The following RIT2 variants were observed in gnomAD, a reference collection of about 807,000 sequenced individuals.
RIT2 encodes the protein GTP-binding protein Rit2.
A neutral mutation model predicts 23.7 loss-of-function variants in RIT2; 24 were observed. The observed-to-expected ratio is 1.01, with a 90% CI of 0.73 to 1.43. RIT2 has a LOEUF of 1.43. Ranked by LOEUF, RIT2 falls within the 40% of genes most tolerant of loss-of-function variation. The pLI, the probability that RIT2 is intolerant of heterozygous loss-of-function variation, is 0.00. For missense variants in RIT2, 236 were observed against 266.9 expected (o/e 0.88, Z 0.81); for synonymous variants, 107 against 91.1 (o/e 1.17, Z -0.99).
chr18:42,765,809 C>T (rs1401699803), intron 4 of RIT2, among the ~76,000 whole-genome samples: 4 of 152,128 alleles, frequency 2.6e-5, no homozygotes, highest in South Asian at 2.1e-4. Context: ...AGAATTCTGA[C>T]GTGTTTTGGG....
At chr18:43,080,974 G>A (rs1035673302) in intron 1 of RIT2, among the ~76,000 whole-genome samples, 9 of 152,140 alleles carry the variant, frequency 5.9e-5, no homozygotes, top group African/African-American at 2.2e-4. Context: ...AGGATCCTGG[G>A]GCGAACGTCA....
At chr18:42,774,875 A>G (rs1004071703) in intron 4 of RIT2, among the ~76,000 whole-genome samples, 3 of 152,124 alleles carry the variant, frequency 2.0e-5, no homozygotes. Flanking sequence ...ATGACCACAT[A>G]TATGTTCTTC....
intron 1 of RIT2, among the ~76,000 whole-genome samples, chr18:43,108,561 C>T (rs1264896438): frequency 2.6e-5 from 4 of 152,148 alleles, no homozygotes; most frequent in African/African-American, 9.7e-5. Flanking sequence ...GCTCGTTCAT[C>T]TCCAGTCATA....
chr18:42,977,336 A>T (rs1269098047), intron 2 of RIT2, among the ~76,000 whole-genome samples: 2 of 152,078 alleles, frequency 1.3e-5, no homozygotes, highest in Non-Finnish European at 2.9e-5. Context: ...GTCTGGCTGC[A>T]ATCTACATTT....
intron 4 of RIT2, among the ~76,000 whole-genome samples, chr18:42,814,420 G>A (rs906069076): frequency 6.6e-6 from 1 of 152,146 alleles, no homozygotes; most frequent in Non-Finnish European, 1.5e-5. Flanking sequence ...TTGTGTGGGA[G>A]CTAGGTGAAG....
At chr18:43,016,295 C>T (rs1911473607) in intron 2 of RIT2, among the ~76,000 whole-genome samples, 1 of 151,740 alleles carries the variant, frequency 6.6e-6, no homozygotes, top group African/African-American at 2.4e-5. Context: ...ATTGTTGCTT[C>T]CATTGGTGTG....
At chr18:43,099,430 T>G (rs1054983589) in intron 1 of RIT2, among the ~76,000 whole-genome samples, 2 of 152,216 alleles carry the variant, frequency 1.3e-5, no homozygotes, top group South Asian at 4.1e-4. Context: ...ATGTATTTCT[T>G]CCTCACCTTA....
intron 4 of RIT2, among the ~76,000 whole-genome samples, chr18:42,828,140 A>G (rs1906356664): frequency 2.0e-5 from 3 of 152,190 alleles, no homozygotes; most frequent in Non-Finnish European, 4.4e-5. Context: ...TGCATTGACA[A>G]GAAACTCTCA....
intron 4 of RIT2, among the ~76,000 whole-genome samples, chr18:42,837,281 C>T (rs1906641140): frequency 6.9e-6 from 1 of 144,128 alleles, no homozygotes; most frequent in Non-Finnish European, 1.5e-5. Context: ...CATTCTTCTG[C>T]CTCAGCATCC....
intron 4 of RIT2, among the ~76,000 whole-genome samples, chr18:42,793,834 C>T (rs1320574039): frequency 6.6e-6 from 1 of 152,190 alleles, no homozygotes; most frequent in Non-Finnish European, 1.5e-5. Context: ...TACTCCTCTA[C>T]TCCTGTTATT....
intron 4 of RIT2, 66 bp downstream of exon 4, chr18:42,923,506 G>T: frequency 7.7e-7 from 1 of 1,298,796 alleles, no homozygotes; most frequent in Non-Finnish European, 1.1e-6. Flanking sequence ...TGGGAAAGCA[G>T]CCATATTTTG....
intron 1 of RIT2, among the ~76,000 whole-genome samples, chr18:43,090,473 G>C (rs1913396413): frequency 2.6e-5 from 4 of 152,024 alleles, no homozygotes; most frequent in African/African-American, 7.2e-5. Context: ...ATTCTTCAAA[G>C]ACCTAAACAT....
chr18:42,888,918 A>G (rs8089316), intron 4 of RIT2, among the ~76,000 whole-genome samples: 20,305 of 152,048 alleles, frequency 0.13, 1,388 homozygotes, highest in Middle Eastern at 0.26. Context: ...GGAAGAAGGA[A>G]GGAGGAGAGT....
intron 3 of RIT2, among the ~76,000 whole-genome samples, chr18:42,953,978 C>A (rs1909912877): frequency 6.6e-6 from 1 of 152,044 alleles, no homozygotes; most frequent in African/African-American, 2.4e-5. Context: ...GATATCTCTG[C>A]AAATTGTAGG....
At chr18:42,908,626 A>T (rs529208808) in intron 4 of RIT2, among the ~76,000 whole-genome samples, 3 of 152,256 alleles carry the variant, frequency 2.0e-5, no homozygotes, top group African/African-American at 7.2e-5. Flanking sequence ...AGAGGAAGTG[A>T]TATCAGTTTT....
intron 4 of RIT2, among the ~76,000 whole-genome samples, chr18:42,903,210 T>C (rs181479873): frequency 5.3e-5 from 8 of 152,088 alleles, no homozygotes; most frequent in East Asian, 3.9e-4. Context: ...CAGAATCTGA[T>C]ATAATAAATA....
intron 4 of RIT2, among the ~76,000 whole-genome samples, chr18:42,778,009 G>T (rs957495904): frequency 7.2e-5 from 11 of 152,130 alleles, no homozygotes; most frequent in Non-Finnish European, 1.5e-4. Flanking sequence ...TTGCATATTG[G>T]TTTTCAGGAA....
chr18:42,758,731 G>C (rs1336242505), intron 4 of RIT2, among the ~76,000 whole-genome samples: 1 of 150,468 alleles, frequency 6.6e-6, no homozygotes, highest in Non-Finnish European at 1.5e-5. Context: ...CACCATGTTG[G>C]CTAGGCTGGT....
Position 42,855,337 on chromosome 18 carries a change from G to C in RIT2, c.426+68235C>G, listed in dbSNP as rs569377763. ...CATTACCATTGTGAAATTTATAAGA[G>C]ATTAAGAGGTAAATTTTCATTCCAG... On this transcript the variant is annotated intron_variant, in intron 4 of 4. Transcript: ENST00000326695. Among the ~76,000 whole-genome samples, 10 of 152,230 alleles carry C rather than the reference G, an allele frequency of 6.6e-5. No homozygotes were observed. The East Asian group carries it at 1.7e-3, about 26-fold the overall frequency.
Sources: gnomAD v4.1 joint callset for allele counts (sites outside exome capture counted in the v4.1 genomes callset) on GRCh38, gnomAD v4.1.1 for gene constraint, MANE v1.5 for transcripts, NCBI Gene and HGNC (gene_info 2026-07-23, HGNC 2026-07-21) for gene names.